CALN1: variants seen among roughly 807,000 people sequenced by gnomAD.
CALN1 encodes calcium-binding protein 8.
Under a neutral mutation model 30.6 loss-of-function variants are expected in CALN1, and 17 were observed. The observed-to-expected ratio is 0.56, with a 90% CI of 0.38 to 0.83. CALN1 has a LOEUF of 0.83. Among genes scored for constraint, CALN1 ranks in the 40% least tolerant of loss-of-function variants. The probability of loss-of-function intolerance (pLI) is 0.00; values close to 1 mark genes in which losing one functional copy is unlikely to be tolerated. For synonymous variants in CALN1, 156 were observed against 131.4 expected, an observed-to-expected ratio of 1.19 and a Z score of -1.28; for missense variants, 291 against 354.9, an observed-to-expected ratio of 0.82 and a Z score of 1.45.
the CALN1 span, among the ~76,000 whole-genome samples, chr7:72,497,625 CA>C: frequency 6.6e-6 from 1 of 152,070 alleles, no homozygotes. Flanking sequence ...AACCATGAAA[CA>C]AAGCTTTCAA....
At chr7:72,226,726 T>C (rs938537466) in intron 3 of CALN1, among the ~76,000 whole-genome samples, 2 of 152,120 alleles carry the variant, frequency 1.3e-5, no homozygotes, top group African/African-American at 4.8e-5. Flanking sequence ...GATGGGAGCA[T>C]TGGGTTCACA....
the CALN1 span, among the ~76,000 whole-genome samples, chr7:72,485,058 A>C: frequency 6.6e-6 from 1 of 152,110 alleles, no homozygotes; most frequent in East Asian, 1.9e-4. Context: ...CAGCCTCTCT[A>C]AATAATGCAC....
At chr7:72,423,934 A>T (rs1807707225) in intron 1 of CALN1, among the ~76,000 whole-genome samples, 1 of 119,042 alleles carries the variant, frequency 8.4e-6, no homozygotes. Context: ...AAAAAGAAAG[A>T]AGAGAAAGAA....
intron 5 of CALN1, among the ~76,000 whole-genome samples, chr7:71,988,581 G>A (rs190575825): frequency 1.4e-4 from 21 of 152,194 alleles, no homozygotes; most frequent in Admixed American, 3.9e-4. Flanking sequence ...TTATCTCCAG[G>A]TCACAGTTGG....
chr7:72,405,196 GAGTA>G (rs754789091), intron 1 of CALN1, among the ~76,000 whole-genome samples: 11 of 152,316 alleles, frequency 7.2e-5, no homozygotes, highest in Non-Finnish European at 1.5e-4. Context: ...ACCTTAAAGA[GAGTA>G]AGTGTCTCAA....
intron 4 of CALN1, among the ~76,000 whole-genome samples, chr7:72,052,572 T>C (rs1802906224): frequency 6.6e-6 from 1 of 152,122 alleles, no homozygotes; most frequent in South Asian, 2.1e-4. Flanking sequence ...GCTTCCTCCT[T>C]GACCTCAGGA....
intron 3 of CALN1, among the ~76,000 whole-genome samples, chr7:72,268,886 C>T (rs1796776577): frequency 6.6e-6 from 1 of 151,810 alleles, no homozygotes. Context: ...AATAACCCTC[C>T]CACCATGTGC....
upstream of CALN1, among the ~76,000 whole-genome samples, chr7:72,413,606 G>A (rs1056681719): frequency 6.6e-6 from 1 of 150,428 alleles, no homozygotes; most frequent in Non-Finnish European, 1.5e-5. Flanking sequence ...ACTAACACAT[G>A]CACACATACA....
At chr7:72,120,150 G>A (rs550727091) in intron 3 of CALN1, among the ~76,000 whole-genome samples, 5 of 151,470 alleles carry the variant, frequency 3.3e-5, no homozygotes, top group Non-Finnish European at 5.9e-5. Context: ...TCTCCAACAC[G>A]TATTTTTCAA....
the CALN1 span, among the ~76,000 whole-genome samples, chr7:72,457,535 A>T: frequency 6.6e-6 from 1 of 152,026 alleles, no homozygotes; most frequent in Non-Finnish European, 1.5e-5. Flanking sequence ...GTGAACTCCT[A>T]CATATCCATC....
At chr7:72,401,720 G>A (rs1806352395) in intron 2 of CALN1, among the ~76,000 whole-genome samples, 1 of 152,132 alleles carries the variant, frequency 6.6e-6, no homozygotes, top group South Asian at 2.1e-4. Flanking sequence ...AACAAATGAG[G>A]AAACATTTTT....
intron 4 of CALN1, among the ~76,000 whole-genome samples, chr7:72,078,546 C>T (rs952035040): frequency 1.3e-5 from 2 of 152,176 alleles, no homozygotes; most frequent in Non-Finnish European, 2.9e-5. Context: ...CTGGAGACAA[C>T]CAAACACTGA....
At chr7:71,877,131 A>G (rs1389015218) in intron 5 of CALN1, among the ~76,000 whole-genome samples, 1 of 152,222 alleles carries the variant, frequency 6.6e-6, no homozygotes, top group African/African-American at 2.4e-5. Flanking sequence ...ATAAATATCA[A>G]TAGACGCTGG....
chr7:72,240,357 G>A (rs1794748369), intron 3 of CALN1, among the ~76,000 whole-genome samples: 1 of 152,038 alleles, frequency 6.6e-6, no homozygotes, highest in Non-Finnish European at 1.5e-5. Flanking sequence ...ACCGTGCCAG[G>A]CTAGTTTTTT....
At chr7:72,439,362 A>G (rs573514275) in intron 1 of CALN1, among the ~76,000 whole-genome samples, 4 of 152,156 alleles carry the variant, frequency 2.6e-5, no homozygotes, top group Admixed American at 2.6e-4. Context: ...CAAAAACTTG[A>G]CTGCTAATAG....
chr7:71,846,204 G>A (rs1056611702), intron 5 of CALN1, among the ~76,000 whole-genome samples: 2 of 152,120 alleles, frequency 1.3e-5, no homozygotes, highest in Admixed American at 6.5e-5. Context: ...CCTATGAAGC[G>A]AAACACACTT....
chr7:72,109,650 G>A (rs905662027), intron 3 of CALN1, among the ~76,000 whole-genome samples: 1 of 152,162 alleles, frequency 6.6e-6, no homozygotes, highest in African/African-American at 2.4e-5. Context: ...AAGGAGCGTG[G>A]AGCCACTACT....
chr7:71,841,615 T>C (rs1012315462), intron 5 of CALN1, among the ~76,000 whole-genome samples: 1 of 152,178 alleles, frequency 6.6e-6, no homozygotes, highest in African/African-American at 2.4e-5. Context: ...GTGCCCTAGA[T>C]GGTGGACTGG....
At chr7:72,167,785 A>C (rs1788631457) in intron 3 of CALN1, among the ~76,000 whole-genome samples, 1 of 152,194 alleles carries the variant, frequency 6.6e-6, no homozygotes, top group Non-Finnish European at 1.5e-5. Context: ...AAACATCCTA[A>C]TTTCCAACCT....
Sources: gnomAD v4.1 joint callset for allele counts (sites outside exome capture counted in the v4.1 genomes callset) on GRCh38, gnomAD v4.1.1 for gene constraint, MANE v1.5 for transcripts, NCBI Gene and HGNC (gene_info 2026-07-23, HGNC 2026-07-21) for gene names.